The following SUMF1 variants were observed in gnomAD, a reference collection of about 807,000 sequenced individuals.
SUMF1 encodes formylglycine-generating enzyme.
SUMF1 carries 48 observed loss-of-function variants against 47.6 expected under a neutral mutation model. That is an observed-to-expected ratio of 1.01 (90% confidence interval 0.80 to 1.28). The LOEUF (loss-of-function observed/expected upper bound fraction) is 1.28, where lower values mean the gene tolerates loss of function less well. Among genes scored for constraint, SUMF1 ranks in the 50% most tolerant of loss-of-function variants. The pLI, the probability that SUMF1 is intolerant of heterozygous loss-of-function variation, is 0.00. For missense variants in SUMF1, 571 were observed against 485.4 expected, an observed-to-expected ratio of 1.18 and a Z score of -1.66; for synonymous variants, 230 against 192.1, an observed-to-expected ratio of 1.20 and a Z score of -1.63.
At chr3:4,082,982 A>T (rs907811147) in intron 8 of SUMF1, among the ~76,000 whole-genome samples, 1 of 152,156 alleles carries the variant, frequency 6.6e-6, no homozygotes, top group African/African-American at 2.4e-5. Flanking sequence ...CATATTTAAA[A>T]GTTCCTCCTC....
At chr3:4,206,245 C>T (rs925731214) in intron 8 of SUMF1, among the ~76,000 whole-genome samples, 14 of 151,848 alleles carry the variant, frequency 9.2e-5, no homozygotes, top group Non-Finnish European at 1.9e-4. Context: ...GACACAAACA[C>T]TCCTTTGGCT....
intron 8 of SUMF1, among the ~76,000 whole-genome samples, chr3:4,323,279 C>T (rs563855025): frequency 2.0e-4 from 30 of 152,068 alleles, no homozygotes; most frequent in South Asian, 4.1e-4. Flanking sequence ...TGACAGAAAC[C>T]GGACACAACA....
In SUMF1 at chr3:4,361,918, A is replaced by T. The variant is rs1699771857; in HGVS notation, c.*226T>A. 5.5e-6 allele frequency: 3 copies of T among 542,530 alleles called. No individual in the cohort carries two copies. In the South Asian group the frequency reaches 6.1e-5, roughly 11 times the overall value. The allele number at this position is 542,530 out of a possible 1,614,324, so 33.6% of individuals were successfully genotyped here. Reference sequence around the variant, plus strand: ...CCCTTCCTCTTTAAAGACTCTCAAAAGTAAAATATGGTGATGATCTCCAAA... The same window carrying T: ...CCCTTCCTCTTTAAAGACTCTCAAATGTAAAATATGGTGATGATCTCCAAA... On this transcript the variant is annotated 3_prime_UTR_variant, in exon 9 of 9. Transcript: ENST00000272902.
intron 8 of SUMF1, among the ~76,000 whole-genome samples, chr3:4,125,726 GTGCGGTGGCATGCTCACGGCTCAC>G (rs1277308270): frequency 6.6e-6 from 1 of 152,190 alleles, no homozygotes; most frequent in African/African-American, 2.4e-5. Flanking sequence ...CCAGGCTAGA[GTGCGGTGGCATGCTCACGGCTCAC>G]TGCGGCCTTG....
At chr3:4,254,545 G>C (rs1336111760) in intron 8 of SUMF1, among the ~76,000 whole-genome samples, 2 of 148,702 alleles carry the variant, frequency 1.3e-5, no homozygotes, top group South Asian at 2.2e-4. Context: ...GAAATGAAGT[G>C]AGAAGGGAAG....
At chr3:4,303,441 C>G (rs867371482) in intron 8 of SUMF1, 3 of 1,551,028 alleles carry the variant, frequency 1.9e-6, no homozygotes, top group Non-Finnish European at 1.7e-6. Flanking sequence ...CCTGAGGCCC[C>G]GACTGAGCAG....
rs774387929 is a variant in SUMF1, at chr3:4,362,185, C to T, written c.1084G>A (p.Gly362Arg). 3 of 1,614,144 alleles carry T rather than the reference C, an allele frequency of 1.9e-6. No individual in the cohort carries two copies. In the African/African-American group the frequency reaches 4.0e-5, roughly 22 times the overall value. The change falls in exon 9 of 9, where the codon GGA becomes AGA. Residue 362 changes from glycine to arginine, a missense_variant. Gly to Arg is a moderately radical substitution (Grantham distance 125, BLOSUM62 -2). Coordinates refer to ENST00000272902, the MANE Select transcript of SUMF1 (RefSeq NM_182760.4). ...AGGCGGTCGGCTGCACAGCGGAATC[C>T]CAGATTCGAAGCAGAGCTATCAGGT... ...NTPDSSASNL[G>R]FRCAADRLPT...
intron 8 of SUMF1, among the ~76,000 whole-genome samples, chr3:4,228,518 A>T (rs1271359989): frequency 6.6e-6 from 1 of 152,132 alleles, no homozygotes; most frequent in Non-Finnish European, 1.5e-5. Context: ...ACTCTGACTA[A>T]TAGCAGCCAC....
chr3:4,057,636 T>G (rs142706314), intron 9 of SUMF1, among the ~76,000 whole-genome samples: 2 of 152,150 alleles, frequency 1.3e-5, no homozygotes, highest in East Asian at 3.9e-4. Flanking sequence ...TTATGAATAT[T>G]AAATTACATG....
At chr3:4,230,889 T>A (rs1228439478) in intron 8 of SUMF1, among the ~76,000 whole-genome samples, 5 of 152,072 alleles carry the variant, frequency 3.3e-5, no homozygotes, top group African/African-American at 1.2e-4. Context: ...CAAACACATA[T>A]TTTTTATTTT....
At chr3:4,391,025 C>T (rs2124928127) in intron 7 of SUMF1, among the ~76,000 whole-genome samples, 1 of 152,256 alleles carries the variant, frequency 6.6e-6, no homozygotes, top group Non-Finnish European at 1.5e-5. Flanking sequence ...GATTGTTCTC[C>T]TGGATATAGA....
chr3:4,077,939 T>C (rs959591664), intron 8 of SUMF1, among the ~76,000 whole-genome samples: 17 of 152,046 alleles, frequency 1.1e-4, no homozygotes, highest in African/African-American at 4.1e-4. Flanking sequence ...AAAGAGACCA[T>C]GGAAGAAAGA....
chr3:4,157,741 G>A (rs899738769), intron 8 of SUMF1, among the ~76,000 whole-genome samples: 1 of 151,326 alleles, frequency 6.6e-6, no homozygotes. Flanking sequence ...AAGACTTTAA[G>A]TTCTTCCCAC....
intron 8 of SUMF1, among the ~76,000 whole-genome samples, chr3:4,247,105 T>A (rs895295765): frequency 6.6e-6 from 1 of 152,196 alleles, no homozygotes; most frequent in Non-Finnish European, 1.5e-5. Context: ...TAAAACACTA[T>A]GGCAATACAA....
At chr3:4,350,144 GCAT>G (rs1699461876) in intron 8 of SUMF1, among the ~76,000 whole-genome samples, 1 of 151,408 alleles carries the variant, frequency 6.6e-6, no homozygotes, top group Non-Finnish European at 1.5e-5. Flanking sequence ...GGGATTACAG[GCAT>G]GCACCACCAC....
chr3:4,130,084 G>T (rs965923679), intron 8 of SUMF1, among the ~76,000 whole-genome samples: 14 of 152,082 alleles, frequency 9.2e-5, no homozygotes, highest in Admixed American at 2.6e-4. Flanking sequence ...CCACCATCAA[G>T]GACTTGAAAG....
At chr3:4,068,288 C>T (rs1695426705) in intron 9 of SUMF1, among the ~76,000 whole-genome samples, 1 of 151,996 alleles carries the variant, frequency 6.6e-6, no homozygotes, top group South Asian at 2.1e-4. Context: ...TGGCTTCACC[C>T]CCAATCCTGA....
intron 8 of SUMF1, among the ~76,000 whole-genome samples, chr3:4,173,877 C>T (rs998272617): frequency 4.6e-5 from 7 of 152,088 alleles, no homozygotes; most frequent in African/African-American, 1.7e-4. Flanking sequence ...GAGGGCCTGT[C>T]GGAGGTGGGG....
chr3:4,383,210 C>T (rs1335733765), intron 7 of SUMF1, among the ~76,000 whole-genome samples: 1 of 152,066 alleles, frequency 6.6e-6, no homozygotes, highest in East Asian at 1.9e-4. Flanking sequence ...GAAACCTTGT[C>T]TCTATTAAAA....
Sources: allele counts gnomAD v4.1 joint callset (sites outside exome capture counted in the v4.1 genomes callset), GRCh38; gene constraint gnomAD v4.1.1; transcripts MANE v1.5; gene names NCBI Gene and HGNC (gene_info 2026-07-23, HGNC 2026-07-21).